The following KCNJ14 variants were observed in gnomAD, a reference collection of about 807,000 sequenced individuals.
KCNJ14 encodes potassium inwardly rectifying channel subfamily J member 14.
Under a neutral mutation model 24.5 loss-of-function variants are expected in KCNJ14, and 18 were observed. That is an observed-to-expected ratio of 0.74 (90% CI 0.51 to 1.09). The LOEUF is 1.09. KCNJ14 is among the 50% of genes least tolerant of loss of function. The pLI is 0.00. For missense variants in KCNJ14, 633 were observed against 623.0 expected (o/e 1.02, Z -0.17); for synonymous variants, 288 against 270.8 (o/e 1.06, Z -0.63).
In KCNJ14 at chr19:48,465,478, C is replaced by G. The variant is rs1971646166; in HGVS notation, c.*701C>G. On this transcript the variant is annotated 3_prime_UTR_variant, in exon 3 of 3. Transcript: ENST00000342291. ...ACTAAAGAGTAATGTTTCTAGAATG[C>G]ACAAAACATTGTTAGTCTGTGGGTT... is the stretch of plus-strand genomic sequence containing the variant. The G allele has an allele frequency of 6.6e-6, 1 of 152,220 alleles. No individual in the cohort carries two copies. 9.4% of individuals were successfully genotyped at this position (152,220 alleles called of 1,614,324 possible). A position where few individuals can be genotyped will look rare whatever the true frequency, so the allele number is the denominator to read the frequency against.
Position 48,462,519 on chromosome 19 carries a change from C to A in KCNJ14, c.714+81C>A. ...TGTAGGCCCGAGGGCGAGGGGCGTG[C>A]GGTCCTGGAGGGGGCGTGGACTACA... On this transcript the variant is annotated intron_variant, in intron 2 of 2. Coordinates refer to ENST00000342291, the MANE Select transcript of KCNJ14 (RefSeq NM_013348.4). The surrounding 1 kb of genome is among the most constrained non-coding windows in gnomAD (Gnocchi z 4.9). 2 of 1,129,456 alleles carry A rather than the reference C, an allele frequency of 1.8e-6. No individual in the cohort carries two copies. Among genetic ancestry groups the A allele is most frequent in the East Asian group, 2.7e-5 (1 of 37,726 alleles). The allele number at this position is 1,129,456 out of a possible 1,614,324, so 70.0% of individuals were successfully genotyped here. A position where few individuals can be genotyped will look rare whatever the true frequency, so the allele number is the denominator to read the frequency against.
Position 48,461,546 on chromosome 19 carries a change from AAAAAT to A in KCNJ14, c.-55-123_-55-119del, listed in dbSNP as rs1971596419. ...CTGTCTCCAAAAAAAAAAAAAAAAA[AAAAAT>A]GCGTATCGTTCCACCTATTTGACAG... On this transcript the variant is annotated intron_variant, in intron 1 of 2. Transcript: ENST00000342291. The A allele has an allele frequency of 2.5e-4, 101 of 397,426 alleles. 2 individuals are homozygous for A. The South Asian group carries it at 8.8e-3, about 34-fold the overall frequency. 24.6% of individuals were successfully genotyped at this position (397,426 alleles called of 1,614,324 possible).
In KCNJ14 at chr19:48,464,159, GGCTCCTCGCCT is replaced by G. The variant is rs1569084401; in HGVS notation, c.715-21_715-11del. The G allele has an allele frequency of 1.9e-6, 3 of 1,559,386 alleles. No homozygotes were observed. The highest frequency in any genetic ancestry group is 1.7e-5 in the Admixed American group (1 of 59,914). On this transcript the variant is annotated splice_polypyrimidine_tract_variant and intron_variant, in intron 2 of 2. Transcript: ENST00000342291. ...CGTCTCTGTGCTCCCTGCTGTCTTT[GGCTCCTCGCCT>G]CCTGCTGCAGCCCCGTGTGACCCCA...
chr19:48,458,386 A>G (rs1418296511), intron 1 of KCNJ14, among the ~76,000 whole-genome samples: 1 of 152,178 alleles, frequency 6.6e-6, no homozygotes, highest in African/African-American at 2.4e-5. Flanking sequence ...TGGGTGCAAA[A>G]TGGTATTCCT....
chr19:48,464,426 C>T lies in KCNJ14; in HGVS notation c.960C>T (p.Tyr320=), dbSNP rs1310499764. The T allele has an allele frequency of 6.2e-7, 1 of 1,613,744 alleles. No homozygotes were observed. The highest frequency in any genetic ancestry group is 8.5e-7 in the Non-Finnish European group (1 of 1,179,872). ...TGACCACACAGTGTCGCTCGTCCTA[C>T]CTCCCTGGTGAACTGCTCTGGGGCC... is the stretch of plus-strand genomic sequence containing the variant. ...TAMTTQCRSS[Y]LPGELLWGHR... Residue 320 remains tyrosine, a synonymous_variant, in exon 3 of 3, where the codon TAC becomes TAT. Transcript: ENST00000342291.
chr19:48,460,775 C>A lies in KCNJ14; in HGVS notation c.-55-895C>A, dbSNP rs558921933. 4.6e-5 allele frequency among the ~76,000 whole-genome samples: 7 copies of A among 152,318 alleles called. No homozygotes were observed. In the East Asian group the frequency reaches 1.2e-3, roughly 25 times the overall value. On this transcript the variant is annotated intron_variant, in intron 1 of 2. Transcript: ENST00000342291. ...CATGCTGTAATTATTGTGGCACTTG[C>A]TATAATATCGTTATTGTTATAGTAT... is the stretch of plus-strand genomic sequence containing the variant.
At chr19:48,458,496 A>G (rs1297718557) in intron 1 of KCNJ14, among the ~76,000 whole-genome samples, 1 of 152,164 alleles carries the variant, frequency 6.6e-6, no homozygotes, top group African/African-American at 2.4e-5. Context: ...AAACGTCTGT[A>G]CAGATCCTTT....
chr19:48,457,846 G>A (rs1025368152), intron 1 of KCNJ14, among the ~76,000 whole-genome samples: 1 of 151,836 alleles, frequency 6.6e-6, no homozygotes, highest in Non-Finnish European at 1.5e-5. Flanking sequence ...CACCATACCC[G>A]GCTAATTTTT....
chr19:48,456,210 C>G (rs944173517), intron 1 of KCNJ14: 13 of 152,546 alleles, frequency 8.5e-5, no homozygotes, highest in African/African-American at 2.4e-4. Context: ...ACCTGCCCCC[C>G]CAGCCCACGG....
In KCNJ14 at chr19:48,464,141, G is replaced by A. The variant is rs1158367018; in HGVS notation, c.715-40G>A. 6 of 1,411,444 alleles carry A rather than the reference G, an allele frequency of 4.3e-6. No homozygotes were observed. The East Asian group carries it at 9.1e-5, about 21-fold the overall frequency. 87.4% of individuals were successfully genotyped at this position (1,411,444 alleles called of 1,614,324 possible). A position where few individuals can be genotyped will look rare whatever the true frequency, so the allele number is the denominator to read the frequency against. On this transcript the variant is annotated intron_variant, in intron 2 of 2. Coordinates refer to ENST00000342291, the MANE Select transcript of KCNJ14 (RefSeq NM_013348.4). Reference sequence around the variant, plus strand: ...TCTCACTTCGTCTCTGCCCGTCTCTGTGCTCCCTGCTGTCTTTGGCTCCTC... The same window carrying A: ...TCTCACTTCGTCTCTGCCCGTCTCTATGCTCCCTGCTGTCTTTGGCTCCTC...
chr19:48,461,020 T>A (rs115993625), intron 1 of KCNJ14, among the ~76,000 whole-genome samples: 122 of 151,158 alleles, frequency 8.1e-4, no homozygotes, highest in African/African-American at 8.7e-4. Context: ...AAAAAAAAAA[T>A]TTAAAAAAGA....
rs754040372 is a variant in KCNJ14, at chr19:48,462,347, T to C, written c.623T>C (p.Leu208Pro). 1 of 1,544,584 alleles carries C rather than the reference T, an allele frequency of 6.5e-7. No individual in the cohort carries two copies. Among genetic ancestry groups the C allele is most frequent in the African/African-American group, 1.4e-5 (1 of 73,216 alleles). The change falls in exon 2 of 3, where the codon CTG becomes CCG. Residue 208 changes from leucine to proline, a missense_variant. Coordinates refer to ENST00000342291, the MANE Select transcript of KCNJ14 (RefSeq NM_013348.4). This position sits in a 1 kb window ranked among gnomAD's most constrained non-coding sequence, Gnocchi z 4.9. ...TTCAGCGAGAACGCCGTCGTGGCGC[T>C]GCGCGACCACCGCCTCTGCCTCATG... ...LVFSENAVVA[L>P]RDHRLCLMWR...
chr19:48,458,663 G>A (rs1203241466), intron 1 of KCNJ14, among the ~76,000 whole-genome samples: 1 of 152,142 alleles, frequency 6.6e-6, no homozygotes, highest in East Asian at 1.9e-4. Context: ...AGCTTCCTCG[G>A]CCTCGCAAAG....
chr19:48,466,323 ACCTGCCTCGGTCTCCCAAAGTG>A lies in KCNJ14; in HGVS notation c.*1548_*1569del, dbSNP rs1971654688. The A allele has an allele frequency of 1.3e-5, 2 of 151,346 alleles. No individual in the cohort carries two copies. Among genetic ancestry groups the A allele is most frequent in the African/African-American group, 4.8e-5 (2 of 41,246 alleles). The allele number at this position is 151,346 out of a possible 1,614,324, so 9.4% of individuals were successfully genotyped here. On this transcript the variant is annotated 3_prime_UTR_variant, in exon 3 of 3. Coordinates refer to ENST00000342291, the MANE Select transcript of KCNJ14 (RefSeq NM_013348.4). The stretch of plus-strand genomic sequence containing the variant: ...TTGAACTCCCGACCTCAGATGATCC[ACCTGCCTCGGTCTCCCAAAGTG>A]CTGGGATTACGGGTGTGAGCCACCA...
Position 48,462,165 on chromosome 19 carries a change from C to A in KCNJ14, c.441C>A (p.Ser147=). 1 of 1,578,380 alleles carries A rather than the reference C, an allele frequency of 6.3e-7. No individual in the cohort carries two copies. Among genetic ancestry groups the A allele is most frequent in the Non-Finnish European group, 8.6e-7 (1 of 1,163,084 alleles). The change falls in exon 2 of 3, where the codon TCC becomes TCA. Residue 147 remains serine, a synonymous_variant. Transcript: ENST00000342291. This position sits in a 1 kb window ranked among gnomAD's most constrained non-coding sequence, Gnocchi z 4.9. The stretch of plus-strand genomic sequence containing the variant: ...TCTTCGCGCTGGAGACGCAGACGTC[C>A]ATCGGCTACGGCGTGCGCAGCGTCA... ...AFLFALETQT[S]IGYGVRSVTE...
At chr19:48,459,649 G>A (rs561705895) in intron 1 of KCNJ14, among the ~76,000 whole-genome samples, 1 of 152,250 alleles carries the variant, frequency 6.6e-6, no homozygotes, top group Admixed American at 6.5e-5. Flanking sequence ...TCCTGCTTCA[G>A]CCTCCCAAAG....
Position 48,465,039 on chromosome 19 carries a change from A to G in KCNJ14, c.*262A>G. On this transcript the variant is annotated 3_prime_UTR_variant, in exon 3 of 3. Coordinates refer to ENST00000342291, the MANE Select transcript of KCNJ14 (RefSeq NM_013348.4). Reference sequence around the variant, plus strand: ...TCTCACCAGAATTCTGGATCACCCAAGAGGAAAAGACTGGCAGTTCTAGAT... The same window carrying G: ...TCTCACCAGAATTCTGGATCACCCAGGAGGAAAAGACTGGCAGTTCTAGAT... The G allele has an allele frequency of 2.0e-6, 1 of 489,280 alleles. No individual in the cohort carries two copies. Among genetic ancestry groups the G allele is most frequent in the Non-Finnish European group, 3.7e-6 (1 of 272,684 alleles). 30.3% of individuals were successfully genotyped at this position (489,280 alleles called of 1,614,324 possible).
Position 48,461,925 on chromosome 19 carries a change from TGGCCAG to T in KCNJ14, c.205_210del (p.Gln69_Gly70del). ...GCAACGTGCGTTTCGTAAACCTGGGTGGCCAGGGCGCGCGCTACCTGAGCGACCTGT... is the reference window on the plus strand; with the variant it reads ...GCAACGTGCGTTTCGTAAACCTGGGTGGCGCGCGCTACCTGAGCGACCTGT... On this transcript the variant is annotated inframe_deletion, in exon 2 of 3. Transcript: ENST00000342291. 6.2e-7 allele frequency: 1 copy of T among 1,609,644 alleles called. No individual in the cohort carries two copies. The highest frequency in any genetic ancestry group is 8.5e-7 in the Non-Finnish European group (1 of 1,177,522).
At chr19:48,459,240 CAAAAAA>C (rs748195965) in intron 1 of KCNJ14, among the ~76,000 whole-genome samples, 1 of 59,196 alleles carries the variant, frequency 1.7e-5, no homozygotes, top group African/African-American at 5.7e-5. Flanking sequence ...ACTCCGTCTC[CAAAAAA>C]AAAAAAAAAA....
Sources: allele counts gnomAD v4.1 joint callset (sites outside exome capture counted in the v4.1 genomes callset), GRCh38; gene constraint gnomAD v4.1.1; non-coding constraint Gnocchi (gnomAD v3.1); transcripts MANE v1.5; gene names NCBI Gene and HGNC (gene_info 2026-07-23, HGNC 2026-07-21).